Variants in CLSTN2 observed in about 807,000 individuals in gnomAD.
The protein encoded by CLSTN2 is calsyntenin-2.
Under a neutral mutation model 101.2 loss-of-function variants are expected in CLSTN2, and 48 were observed. That is an observed-to-expected ratio of 0.47 (90% CI 0.38 to 0.60). The LOEUF (loss-of-function observed/expected upper bound fraction) is 0.60, where lower values mean the gene tolerates loss of function less well. Ranked by LOEUF, CLSTN2 falls within the 20% of genes least tolerant of loss-of-function variation. CLSTN2 has a pLI of 0.00. For missense variants in CLSTN2, 1,160 were observed against 1,238.2 expected, an observed-to-expected ratio of 0.94 and a Z score of 0.95; for synonymous variants, 481 against 463.6, an observed-to-expected ratio of 1.04 and a Z score of -0.48.
chr3:140,450,759 C>A (rs1344713462), intron 6 of CLSTN2, among the ~76,000 whole-genome samples: 2 of 152,068 alleles, frequency 1.3e-5, no homozygotes, highest in African/African-American at 2.4e-5. Context: ...AGCACACACA[C>A]CCCTTCACCC....
At chr3:140,497,197 C>T (rs1934485283) in intron 8 of CLSTN2, among the ~76,000 whole-genome samples, 4 of 151,784 alleles carry the variant, frequency 2.6e-5, no homozygotes, top group Non-Finnish European at 5.9e-5. Context: ...AGCTTGGACT[C>T]TCCAGAGCCA....
intron 1 of CLSTN2, among the ~76,000 whole-genome samples, chr3:139,943,929 G>C (rs1252303889): frequency 6.6e-6 from 1 of 152,138 alleles, no homozygotes; most frequent in South Asian, 2.1e-4. Context: ...TGATAAACCT[G>C]TCCAGGGAAG....
rs535967733 is a variant in CLSTN2 at position 140,372,381 on chromosome 3, C to T, written c.233-31248C>T. Among the ~76,000 whole-genome samples the T allele has an allele frequency of 8.3e-4, 126 of 152,320 alleles. 1 individual carries two copies. Among genetic ancestry groups the T allele is most frequent in the South Asian group, 5.6e-3 (27 of 4,826 alleles). On this transcript the variant is annotated intron_variant, in intron 2 of 16. Coordinates refer to ENST00000458420, the MANE Select transcript of CLSTN2 (RefSeq NM_022131.3). ...GCTCATGTTGTTTATTTTGCTAGAG[C>T]ATCTTTTCCCACCTTCCTGGTTAGG...
At chr3:139,970,236 A>G (rs6439888) in intron 1 of CLSTN2, among the ~76,000 whole-genome samples, 42,257 of 152,024 alleles carry the variant, frequency 0.28, 6,024 homozygotes, top group African/African-American at 0.33. Flanking sequence ...TGCCTGAGTA[A>G]GTAGGTTAAA....
chr3:140,218,582 TA>T (rs551732066), intron 2 of CLSTN2, among the ~76,000 whole-genome samples: 32 of 152,054 alleles, frequency 2.1e-4, no homozygotes, highest in Non-Finnish European at 4.0e-4. Context: ...GTAGATACAT[TA>T]AAAAAAACCT....
chr3:140,203,493 G>A (rs886788792), intron 2 of CLSTN2, among the ~76,000 whole-genome samples: 2 of 53,732 alleles, frequency 3.7e-5, no homozygotes, highest in African/African-American at 1.6e-4. Flanking sequence ...TTTTTTTTTG[G>A]TTTTTAAGAT....
chr3:140,009,803 G>T lies in CLSTN2; in HGVS notation c.109+74320G>T, dbSNP rs368198792. ...ATGTATTTATTTCCAAACTACAAAA[G>T]AAGCTGTAGCATCCACTTGTATTGC... On this transcript the variant is annotated intron_variant, in intron 1 of 16. Coordinates refer to ENST00000458420, the MANE Select transcript of CLSTN2 (RefSeq NM_022131.3). Among the ~76,000 whole-genome samples the T allele has an allele frequency of 5.9e-5, 9 of 152,326 alleles. No homozygotes were observed. The East Asian group carries it at 1.5e-3, about 26-fold the overall frequency.
At chr3:140,016,095 G>A (rs1341789580) in intron 1 of CLSTN2, among the ~76,000 whole-genome samples, 1 of 152,218 alleles carries the variant, frequency 6.6e-6, no homozygotes, top group Non-Finnish European at 1.5e-5. Flanking sequence ...GAAATGGACA[G>A]GCCTCCCTAG....
chr3:140,089,804 G>GT (rs946762094), intron 1 of CLSTN2, among the ~76,000 whole-genome samples: 44 of 151,104 alleles, frequency 2.9e-4, no homozygotes, highest in African/African-American at 1.0e-3. Context: ...TAGAGATAGG[G>GT]TTTTACCATG....
intron 2 of CLSTN2, among the ~76,000 whole-genome samples, chr3:140,177,986 C>G (rs1025942496): frequency 6.6e-6 from 1 of 152,074 alleles, no homozygotes; most frequent in African/African-American, 2.4e-5. Context: ...CTCTCATTCA[C>G]CTTTCCATCT....
At chr3:140,502,172 G>A (rs1934590866) in intron 8 of CLSTN2, among the ~76,000 whole-genome samples, 4 of 152,224 alleles carry the variant, frequency 2.6e-5, no homozygotes, top group Admixed American at 2.6e-4. Context: ...CTTCTCCCAA[G>A]TGGGCCTTTC....
At chr3:140,427,327 A>C (rs931464735) in intron 5 of CLSTN2, among the ~76,000 whole-genome samples, 1 of 151,242 alleles carries the variant, frequency 6.6e-6, no homozygotes, top group Non-Finnish European at 1.5e-5. Context: ...CATGGTAGAT[A>C]AACTGGATAA....
Position 140,576,858 on chromosome 3 carries a change from TA to T in CLSTN2, c.*10606del, listed in dbSNP as rs1293807643. 6.6e-6 allele frequency: 1 copy of T among 152,238 alleles called. No homozygotes were observed. Among genetic ancestry groups the T allele is most frequent in the African/African-American group, 2.4e-5 (1 of 41,458 alleles). The allele number at this position is 152,238 out of a possible 1,614,324, so 9.4% of individuals were successfully genotyped here. A position where few individuals can be genotyped will look rare whatever the true frequency, so the allele number is the denominator to read the frequency against. On this transcript the variant is annotated 3_prime_UTR_variant, in exon 17 of 17. Transcript: ENST00000458420. ...CTAGAAAATGTGTTTATTTGATAAA[TA>T]TACTATTGTGTATGAGTGTGAAACA...
At chr3:140,123,862 ATAT>A (rs1443120674) in intron 1 of CLSTN2, among the ~76,000 whole-genome samples, 1 of 151,784 alleles carries the variant, frequency 6.6e-6, no homozygotes, top group Non-Finnish European at 1.5e-5. Context: ...ATATATATAT[ATAT>A]GTCTTCTATT....
chr3:140,130,104 C>A (rs897898734), intron 1 of CLSTN2, among the ~76,000 whole-genome samples: 1 of 152,164 alleles, frequency 6.6e-6, no homozygotes, highest in African/African-American at 2.4e-5. Context: ...AATGTGACAG[C>A]CTCTAACACT....
At chr3:139,964,773 C>T (rs530505798) in intron 1 of CLSTN2, among the ~76,000 whole-genome samples, 8 of 152,316 alleles carry the variant, frequency 5.3e-5, no homozygotes, top group African/African-American at 1.9e-4. Context: ...ATTTTTCCCT[C>T]TTCATTTTTA....
chr3:140,501,321 C>T (rs2107762457), intron 8 of CLSTN2, among the ~76,000 whole-genome samples: 1 of 152,344 alleles, frequency 6.6e-6, no homozygotes, highest in East Asian at 1.9e-4. Context: ...AGGCTGTTGG[C>T]TTCAATGGCC....
At chr3:140,543,926 G>A (rs1935534886) in intron 9 of CLSTN2, among the ~76,000 whole-genome samples, 1 of 152,192 alleles carries the variant, frequency 6.6e-6, no homozygotes, top group Non-Finnish European at 1.5e-5. Flanking sequence ...ATCAATCACA[G>A]GTGCAATAGG....
chr3:140,218,671 A>T (rs543944329), intron 2 of CLSTN2, among the ~76,000 whole-genome samples: 2 of 152,342 alleles, frequency 1.3e-5, no homozygotes, highest in East Asian at 3.9e-4. Flanking sequence ...GCTTTGGACC[A>T]ATTAAGCTCT....
Sources: gnomAD v4.1 joint callset for allele counts (sites outside exome capture counted in the v4.1 genomes callset) on GRCh38, gnomAD v4.1.1 for gene constraint, MANE v1.5 for transcripts, NCBI Gene and HGNC (gene_info 2026-07-23, HGNC 2026-07-21) for gene names.